The following ATXN7L1 variants were observed in gnomAD, a reference collection of about 807,000 sequenced individuals.
ATXN7L1 encodes the protein ataxin 7 like 1.
Under a neutral mutation model 70.8 loss-of-function variants are expected in ATXN7L1, and 15 were observed. The observed-to-expected ratio is 0.21, with a 90% CI of 0.14 to 0.33. The LOEUF is 0.33. ATXN7L1 is among the 10% of genes least tolerant of loss of function. The probability of loss-of-function intolerance (pLI) is 1.00; values close to 1 mark genes in which losing one functional copy is unlikely to be tolerated. For missense variants in ATXN7L1, 975 were observed against 1,097.1 expected, an observed-to-expected ratio of 0.89 and a Z score of 1.57; for synonymous variants, 440 against 445.1, an observed-to-expected ratio of 0.99 and a Z score of 0.14.
intron 4 of ATXN7L1, among the ~76,000 whole-genome samples, chr7:105,660,608 A>T (rs1215851758): frequency 2.8e-5 from 3 of 106,738 alleles, no homozygotes; most frequent in Non-Finnish European, 5.2e-5. Context: ...TTTGAGACAG[A>T]GTCTTGCTCT....
At chr7:105,861,830 G>A (rs1046299314) in intron 2 of ATXN7L1, among the ~76,000 whole-genome samples, 8 of 152,202 alleles carry the variant, frequency 5.3e-5, no homozygotes, top group African/African-American at 1.9e-4. Flanking sequence ...AAAGCTGTAG[G>A]GTTGTCTACT....
At chr7:105,657,335 A>G (rs564714171) in intron 4 of ATXN7L1, among the ~76,000 whole-genome samples, 2 of 152,260 alleles carry the variant, frequency 1.3e-5, no homozygotes, top group African/African-American at 4.8e-5. Flanking sequence ...TGAAAAAACC[A>G]GAGGGTCCCA....
chr7:105,681,609 T>C (rs1399613426), intron 3 of ATXN7L1, among the ~76,000 whole-genome samples: 1 of 152,158 alleles, frequency 6.6e-6, no homozygotes, highest in African/African-American at 2.4e-5. Context: ...CCCACATTCA[T>C]AGCAGTATTA....
chr7:105,736,624 A>G (rs484491), intron 3 of ATXN7L1, among the ~76,000 whole-genome samples: 66,056 of 152,044 alleles, frequency 0.43, 16,090 homozygotes, highest in East Asian at 0.78. Context: ...TTGAACTTTT[A>G]TTGAGATGGG....
intron 2 of ATXN7L1, among the ~76,000 whole-genome samples, chr7:105,810,281 C>T (rs1808245171): frequency 6.6e-6 from 1 of 152,192 alleles, no homozygotes; most frequent in Non-Finnish European, 1.5e-5. Context: ...GGCCTTGGAG[C>T]CAGGGAGACC....
intron 3 of ATXN7L1, among the ~76,000 whole-genome samples, chr7:105,733,133 G>A (rs1181162111): frequency 6.6e-6 from 1 of 152,082 alleles, no homozygotes; most frequent in Non-Finnish European, 1.5e-5. Flanking sequence ...GGCTTTACCT[G>A]TTTTCATCTG....
At chr7:105,629,579 G>A (rs1402750002) in intron 7 of ATXN7L1, among the ~76,000 whole-genome samples, 5 of 149,244 alleles carry the variant, frequency 3.4e-5, no homozygotes, top group East Asian at 2.0e-4. Context: ...GCAGTGGCGT[G>A]ATCTTGGCTC....
chr7:105,692,416 T>TC (rs1563009827), intron 3 of ATXN7L1, among the ~76,000 whole-genome samples: 10 of 134,926 alleles, frequency 7.4e-5, no homozygotes, highest in African/African-American at 2.6e-4. Flanking sequence ...CTTCCTTCCT[T>TC]CCTTCCTTCC....
chr7:105,700,681 C>CTAG (rs992801962), intron 3 of ATXN7L1, among the ~76,000 whole-genome samples: 3 of 151,834 alleles, frequency 2.0e-5, no homozygotes, highest in Middle Eastern at 3.4e-3. Context: ...TGCCTTTGCT[C>CTAG]TATTATTATT....
intron 2 of ATXN7L1, among the ~76,000 whole-genome samples, chr7:105,813,974 T>A (rs992515728): frequency 2.0e-5 from 3 of 152,178 alleles, no homozygotes; most frequent in Non-Finnish European, 4.4e-5. Flanking sequence ...TCTTTCTTTT[T>A]AATGCCCCTC....
chr7:105,856,095 C>G (rs1039108207), intron 2 of ATXN7L1, among the ~76,000 whole-genome samples: 1 of 152,200 alleles, frequency 6.6e-6, no homozygotes, highest in Non-Finnish European at 1.5e-5. Flanking sequence ...CACTAACAAT[C>G]AAGTGAAGTT....
rs912752112 is a variant in ATXN7L1 at position 105,757,202 on chromosome 7, G to GA, written c.355+31401dup. 1.2e-3 allele frequency among the ~76,000 whole-genome samples: 173 copies of GA among 145,670 alleles called. 2 individuals are homozygous for GA. In the East Asian group the frequency reaches 0.026, roughly 22 times the overall value. On this transcript the variant is annotated intron_variant, in intron 3 of 11. Transcript: ENST00000419735. ...TGGTTTTCCTAGGGATTGTATTTTT[G>GA]AAAAAAAAAATCAGGTTTGTGAGGC...
At position 105,623,059 on chromosome 7, in the gene ATXN7L1, T is replaced by C. The variant is rs540733517; in HGVS notation, c.1395+1016A>G. Among the ~76,000 whole-genome samples, 14 of 152,270 alleles carry C rather than the reference T, an allele frequency of 9.2e-5. No individual in the cohort carries two copies. In the South Asian group the frequency reaches 2.9e-3, roughly 32 times the overall value. On this transcript the variant is annotated intron_variant, in intron 8 of 11. Transcript: ENST00000419735. The stretch of plus-strand genomic sequence containing the variant: ...GAGTTGAATGTTCCACTTCTGGCAG[T>C]CAAAGGCATTCTTAATCGTCCCTAT...
chr7:105,857,548 T>A (rs376121498), intron 2 of ATXN7L1, among the ~76,000 whole-genome samples: 7 of 152,166 alleles, frequency 4.6e-5, no homozygotes, highest in Non-Finnish European at 1.5e-5. Context: ...TTGCAGAGCA[T>A]CACTCATCAT....
chr7:105,618,116 T>C (rs776108917), intron 9 of ATXN7L1: 1 of 455,572 alleles, frequency 2.2e-6, no homozygotes, highest in Non-Finnish European at 4.4e-6. Context: ...GAAAGGAATA[T>C]GGAGCTTGAG....
chr7:105,634,023 G>A (rs1247903878), intron 7 of ATXN7L1, among the ~76,000 whole-genome samples: 1 of 152,198 alleles, frequency 6.6e-6, no homozygotes, highest in Non-Finnish European at 1.5e-5. Flanking sequence ...AGGTGATATA[G>A]TGGTGGATGC....
At chr7:105,843,757 G>A (rs1402283448) in intron 2 of ATXN7L1, among the ~76,000 whole-genome samples, 1 of 152,206 alleles carries the variant, frequency 6.6e-6, no homozygotes, top group Non-Finnish European at 1.5e-5. Flanking sequence ...CAGGAGATAA[G>A]AAAACACCAT....
At chr7:105,690,871 T>C (rs969399806) in intron 3 of ATXN7L1, among the ~76,000 whole-genome samples, 2 of 152,338 alleles carry the variant, frequency 1.3e-5, no homozygotes, top group African/African-American at 4.8e-5. Flanking sequence ...TCCGGCTTAG[T>C]GTTTTCGCTA....
Position 105,605,042 on chromosome 7 carries a change from C to CTTTTTTTTTTTT in ATXN7L1, c.*2798_*2809dup, listed in dbSNP as rs895554854. ...GAAGGCATACAAGTTATCCAAGTCGCTTTTTTTTTTTTTTTTTTTTTTTTA... is the reference window on the plus strand; with the variant it reads ...GAAGGCATACAAGTTATCCAAGTCGCTTTTTTTTTTTTTTTTTTTTTTTTTTTTTTTTTTTTA... On this transcript the variant is annotated 3_prime_UTR_variant, in exon 12 of 12. Transcript: ENST00000419735. The CTTTTTTTTTTTT allele has an allele frequency of 1.8e-4, 13 of 71,556 alleles. 2 individuals carry two copies. The highest frequency in any genetic ancestry group is 2.7e-4 in the Non-Finnish European group (11 of 40,348). The allele number at this position is 71,556 out of a possible 1,614,324, so 4.4% of individuals were successfully genotyped here.
Sources: gnomAD v4.1 joint callset for allele counts (sites outside exome capture counted in the v4.1 genomes callset) on GRCh38, gnomAD v4.1.1 for gene constraint, MANE v1.5 for transcripts, NCBI Gene and HGNC (gene_info 2026-07-23, HGNC 2026-07-21) for gene names.